KSR2: variants seen among roughly 807,000 people sequenced by gnomAD.
KSR2 encodes kinase suppressor of ras 2.
KSR2 carries 25 observed loss-of-function variants against 107.8 expected under a neutral mutation model. The observed-to-expected ratio is 0.23, with a 90% CI of 0.17 to 0.32. The LOEUF (loss-of-function observed/expected upper bound fraction) is 0.32. KSR2 is among the 10% of genes least tolerant of loss of function. KSR2 has a pLI of 1.00. For missense variants in KSR2, 887 were observed against 1,268.9 expected (o/e 0.70, Z 4.57); for synonymous variants, 480 against 507.0 (o/e 0.95, Z 0.71).
chr12:117,569,427 G>A (rs1282706851), intron 7 of KSR2, among the ~76,000 whole-genome samples: 3 of 152,186 alleles, frequency 2.0e-5, no homozygotes, highest in African/African-American at 7.2e-5. Context: ...ACTGCAGGCA[G>A]GAGGAAAGAG....
At position 117,460,093 on chromosome 12, in the gene KSR2, A is replaced by G. The variant is rs1870815970; in HGVS notation, c.*7106T>C. 1 of 152,244 alleles carries G rather than the reference A, an allele frequency of 6.6e-6. No homozygotes were observed. Among genetic ancestry groups the G allele is most frequent in the African/African-American group, 2.4e-5 (1 of 41,466 alleles). The allele number at this position is 152,244 out of a possible 1,614,324, so 9.4% of individuals were successfully genotyped here. On this transcript the variant is annotated 3_prime_UTR_variant, in exon 20 of 20. Coordinates refer to ENST00000339824, the MANE Select transcript of KSR2 (RefSeq NM_173598.6). ...AGCATTTCCAATGCATGCTTGTCCC[A>G]GGACCCTTTCAATAATGCAAATCCG...
intron 1 of KSR2, among the ~76,000 whole-genome samples, chr12:117,956,600 T>G (rs1429415387): frequency 1.3e-5 from 2 of 151,778 alleles, no homozygotes; most frequent in African/African-American, 4.8e-5. Flanking sequence ...ATAGAAATTA[T>G]CAATGCAATA....
In KSR2 at chr12:117,611,445, G is replaced by GACAC. The variant is rs6144887; in HGVS notation, c.1172-29090_1172-29087dup. Reference sequence around the variant, plus strand: ...ACTTGAAAAGGCACATGCACGCACAGACACACACACACACACACGTGTATC... The same window carrying GACAC: ...ACTTGAAAAGGCACATGCACGCACAGACACACACACACACACACACACGTGTATC... On this transcript the variant is annotated intron_variant, in intron 5 of 19. Coordinates refer to ENST00000339824, the MANE Select transcript of KSR2 (RefSeq NM_173598.6). Among the ~76,000 whole-genome samples the GACAC allele has an allele frequency of 2.1e-3, 310 of 144,614 alleles. 1 individual carries two copies. The highest frequency in any genetic ancestry group is 7.4e-3 in the African/African-American group (292 of 39,308). The allele number at this position is 144,614 out of a possible 152,430, so 94.9% of individuals were successfully genotyped here.
Position 117,871,007 on chromosome 12 carries a change from C to T in KSR2, c.181-10576G>A, listed in dbSNP as rs115822678. On this transcript the variant is annotated intron_variant, in intron 1 of 19. Transcript: ENST00000339824. ...AAACAGGGATCCTGGGAAAGAGCAG[C>T]TCTTTCTCCTAGTTTTCCAGGATTA... Among the ~76,000 whole-genome samples, 203 of 152,320 alleles carry T rather than the reference C, an allele frequency of 1.3e-3. 1 individual carries two copies. The highest frequency in any genetic ancestry group is 3.4e-3 in the Middle Eastern group (1 of 294).
At chr12:117,835,204 C>T (rs1414134041) in intron 3 of KSR2, among the ~76,000 whole-genome samples, 1 of 152,108 alleles carries the variant, frequency 6.6e-6, no homozygotes, top group East Asian at 1.9e-4. Context: ...CCCTGAGCTC[C>T]GTCTGCTGTT....
intron 4 of KSR2, among the ~76,000 whole-genome samples, chr12:117,672,059 C>T (rs904720622): frequency 1.8e-4 from 27 of 152,164 alleles, no homozygotes; most frequent in South Asian, 2.1e-4. Context: ...CAGGGGCCCA[C>T]GGCGAGGACC....
intron 14 of KSR2, among the ~76,000 whole-genome samples, chr12:117,510,139 C>G (rs1481936591): frequency 6.6e-6 from 1 of 152,218 alleles, no homozygotes; most frequent in Non-Finnish European, 1.5e-5. Context: ...TGTATACTTG[C>G]TTTGACAACA....
chr12:117,820,627 G>T (rs1272617013), intron 3 of KSR2, among the ~76,000 whole-genome samples: 3 of 152,038 alleles, frequency 2.0e-5, no homozygotes, highest in African/African-American at 7.2e-5. Context: ...GTCATCTTCC[G>T]ACCCAACACC....
intron 5 of KSR2, among the ~76,000 whole-genome samples, chr12:117,605,375 T>C (rs928621783): frequency 2.0e-5 from 3 of 150,890 alleles, no homozygotes; most frequent in African/African-American, 7.3e-5. Flanking sequence ...ATTAATTTTG[T>C]TCATTACATA....
At chr12:117,566,211 C>T (rs181094452) in intron 7 of KSR2, among the ~76,000 whole-genome samples, 1 of 152,242 alleles carries the variant, frequency 6.6e-6, no homozygotes, top group East Asian at 1.9e-4. Context: ...AACTTCCGCC[C>T]CCAGTTCGAG....
At chr12:117,717,903 T>C (rs1593163767) in intron 4 of KSR2, among the ~76,000 whole-genome samples, 5 of 152,268 alleles carry the variant, frequency 3.3e-5, no homozygotes, top group Admixed American at 3.3e-4. Context: ...TTTCTGGAAC[T>C]ACTTGAGACA....
At chr12:117,799,229 C>T (rs909120382) in intron 3 of KSR2, among the ~76,000 whole-genome samples, 1 of 152,148 alleles carries the variant, frequency 6.6e-6, no homozygotes. Flanking sequence ...GGGCTGGGCG[C>T]GGTGGCTCAC....
chr12:117,645,434 A>C (rs2136418055), intron 5 of KSR2, among the ~76,000 whole-genome samples: 1 of 152,276 alleles, frequency 6.6e-6, no homozygotes. Context: ...CCCTCTTTTG[A>C]TAACAATCCC....
chr12:117,738,686 C>T (rs2135015), intron 4 of KSR2, among the ~76,000 whole-genome samples: 1 of 151,842 alleles, frequency 6.6e-6, no homozygotes, highest in Non-Finnish European at 1.5e-5. Context: ...ACCAGCCTGG[C>T]CAACACAGTG....
At chr12:117,516,675 A>G (rs1874398063) in intron 14 of KSR2, among the ~76,000 whole-genome samples, 1 of 152,158 alleles carries the variant, frequency 6.6e-6, no homozygotes, top group Non-Finnish European at 1.5e-5. Flanking sequence ...TGTTATCCCC[A>G]TTCTATATGT....
intron 3 of KSR2, among the ~76,000 whole-genome samples, chr12:117,772,005 C>A (rs1163568862): frequency 6.9e-6 from 1 of 144,888 alleles, no homozygotes; most frequent in Admixed American, 7.0e-5. Flanking sequence ...CAAAGATGCA[C>A]AAACACACAC....
chr12:117,780,248 A>C (rs1020519935), intron 3 of KSR2, among the ~76,000 whole-genome samples: 2 of 152,210 alleles, frequency 1.3e-5, no homozygotes, highest in African/African-American at 2.4e-5. Context: ...ACTTAAACAG[A>C]TATTTATACA....
chr12:117,495,962 G>A (rs1331966619), intron 14 of KSR2, among the ~76,000 whole-genome samples: 1 of 151,346 alleles, frequency 6.6e-6, no homozygotes, highest in African/African-American at 2.4e-5. Flanking sequence ...GCCGAGGCAG[G>A]AGAATTGCCT....
rs1187780963 is a variant in KSR2 at position 117,582,339 on chromosome 12, A to G, written c.1192T>C (p.Trp398Arg). ...TCTCTGCGAGGGATCTGCGGGGACC[A>G]GCGTGGCACTGACAGTGTGTCTACA... ...FSANTLSVPRWSPQIPRRDLG... is the reference protein window; with the variant it reads ...FSANTLSVPRRSPQIPRRDLG... The change falls in exon 6 of 20, where the codon TGG becomes CGG. Residue 398 changes from tryptophan to arginine, a missense_variant. Coordinates refer to ENST00000339824, the MANE Select transcript of KSR2 (RefSeq NM_173598.6). 1 of 1,613,804 alleles carries G rather than the reference A, an allele frequency of 6.2e-7. No individual in the cohort carries two copies. The highest frequency in any genetic ancestry group is 8.5e-7 in the Non-Finnish European group (1 of 1,179,806).
Sources: allele counts gnomAD v4.1 joint callset (sites outside exome capture counted in the v4.1 genomes callset), GRCh38; gene constraint gnomAD v4.1.1; transcripts MANE v1.5; gene names NCBI Gene and HGNC (gene_info 2026-07-23, HGNC 2026-07-21).